Variants in CDH18 observed in about 807,000 individuals in gnomAD.
CDH18 encodes cadherin-18.
A neutral mutation model predicts 67.9 loss-of-function variants in CDH18; 31 were observed. That is an observed-to-expected ratio of 0.46 (90% CI 0.34 to 0.62). The LOEUF (loss-of-function observed/expected upper bound fraction) is 0.62, where lower values mean the gene tolerates loss of function less well. CDH18 is among the 20% of genes least tolerant of loss of function. CDH18 has a pLI of 0.01. For synonymous variants in CDH18, 362 were observed against 347.2 expected (o/e 1.04, Z -0.48); for missense variants, 890 against 975.5 (o/e 0.91, Z 1.17).
chr5:19,503,243 A>C (rs1743558775), intron 10 of CDH18, 134 bp from the exon 11 acceptor site: 1 of 598,286 alleles, frequency 1.7e-6, no homozygotes. Context: ...TTTCAAATTC[A>C]GGTCATAAAA....
chr5:20,002,074 G>A (rs940574422), intron 2 of CDH18, among the ~76,000 whole-genome samples: 2 of 152,084 alleles, frequency 1.3e-5, no homozygotes, highest in Admixed American at 1.3e-4. Flanking sequence ...AGTCATTATT[G>A]ACATTGATGG....
intron 10 of CDH18, among the ~76,000 whole-genome samples, chr5:19,506,856 T>C (rs571652437): frequency 6.6e-6 from 1 of 152,330 alleles, no homozygotes; most frequent in South Asian, 2.1e-4. Flanking sequence ...AAGGACTTCC[T>C]GTCTAAAACA....
intron 3 of CDH18, among the ~76,000 whole-genome samples, chr5:19,762,660 C>G (rs1772523349): frequency 6.6e-6 from 1 of 152,012 alleles, no homozygotes; most frequent in Admixed American, 6.6e-5. Context: ...GGAGTGTAAA[C>G]TAGTTCAACC....
At chr5:20,087,821 G>A (rs1274512619) in intron 2 of CDH18, among the ~76,000 whole-genome samples, 1 of 151,988 alleles carries the variant, frequency 6.6e-6, no homozygotes, top group East Asian at 1.9e-4. Flanking sequence ...TGTTGCAGTG[G>A]TCTGGAACAA....
At chr5:20,401,256 G>A (rs1469133312) in intron 1 of CDH18, among the ~76,000 whole-genome samples, 5 of 152,076 alleles carry the variant, frequency 3.3e-5, no homozygotes, top group South Asian at 4.1e-4. Flanking sequence ...TTAAGTAGTC[G>A]AAATAATGAA....
Position 19,491,752 on chromosome 5 carries a change from T to C in CDH18, c.1631-8200A>G, listed in dbSNP as rs145024404. On this transcript the variant is annotated intron_variant, in intron 11 of 12. Coordinates refer to ENST00000382275, the MANE Select transcript of CDH18 (RefSeq NM_004934.5). Reference sequence around the variant, plus strand: ...CTTTTAAGTGTTTTGTTAAAAATTATAAAGCAACTTATAAATGTTATGATC... The same window carrying C: ...CTTTTAAGTGTTTTGTTAAAAATTACAAAGCAACTTATAAATGTTATGATC... 7.3e-5 allele frequency among the ~76,000 whole-genome samples: 11 copies of C among 151,520 alleles called. No individual in the cohort carries two copies. The East Asian group carries it at 2.1e-3, about 29-fold the overall frequency.
At chr5:19,549,818 AAGGGAGGG>A (rs1218471871) in intron 8 of CDH18, among the ~76,000 whole-genome samples, 1 of 149,592 alleles carries the variant, frequency 6.7e-6, no homozygotes, top group South Asian at 2.2e-4. Flanking sequence ...AAGAAAAAGA[AAGGGAGGG>A]AGGGAGGGAC....
At chr5:20,137,663 C>T (rs545664726) in intron 2 of CDH18, among the ~76,000 whole-genome samples, 52 of 152,190 alleles carry the variant, frequency 3.4e-4, no homozygotes, top group African/African-American at 1.2e-3. Context: ...GGAGAAGAGG[C>T]ACTCTGATTT....
At chr5:19,703,508 G>A (rs538291033) in intron 5 of CDH18, among the ~76,000 whole-genome samples, 1 of 152,200 alleles carries the variant, frequency 6.6e-6, no homozygotes, top group Admixed American at 6.5e-5. Context: ...CTACCCTTCT[G>A]CACCCCCTCA....
intron 1 of CDH18, among the ~76,000 whole-genome samples, chr5:20,445,994 G>A (rs1193779964): frequency 6.6e-6 from 1 of 152,046 alleles, no homozygotes; most frequent in Non-Finnish European, 1.5e-5. Context: ...GTGTCTGAAC[G>A]AAAGGATGAT....
intron 2 of CDH18, among the ~76,000 whole-genome samples, chr5:19,918,769 C>T (rs1163614383): frequency 6.6e-6 from 1 of 152,064 alleles, no homozygotes; most frequent in Non-Finnish European, 1.5e-5. Context: ...CATATTTAGT[C>T]ATCATTCCTG....
chr5:20,382,288 A>G (rs2150102072), intron 1 of CDH18, among the ~76,000 whole-genome samples: 1 of 152,306 alleles, frequency 6.6e-6, no homozygotes, highest in East Asian at 1.9e-4. Flanking sequence ...TTATTTATAT[A>G]AATACTGAGA....
intron 1 of CDH18, among the ~76,000 whole-genome samples, chr5:20,481,735 T>C (rs1752825086): frequency 6.6e-6 from 1 of 151,846 alleles, no homozygotes; most frequent in Non-Finnish European, 1.5e-5. Flanking sequence ...AAGAAGAAAA[T>C]TTTAAAAATT....
chr5:20,569,094 T>C (rs1758668175), intron 1 of CDH18, among the ~76,000 whole-genome samples: 1 of 152,172 alleles, frequency 6.6e-6, no homozygotes, highest in Non-Finnish European at 1.5e-5. Flanking sequence ...CTGCTTTCAA[T>C]GAGTAGGCAG....
chr5:20,574,947 G>A (rs773472314), intron 1 of CDH18, among the ~76,000 whole-genome samples: 3 of 150,818 alleles, frequency 2.0e-5, no homozygotes, highest in Non-Finnish European at 4.4e-5. Context: ...TGTTTGTATT[G>A]AAGAGTTAAA....
At chr5:20,375,283 C>A (rs1440825077) in intron 1 of CDH18, among the ~76,000 whole-genome samples, 1 of 152,108 alleles carries the variant, frequency 6.6e-6, no homozygotes, top group Non-Finnish European at 1.5e-5. Context: ...ACAATGATAC[C>A]TATTATTAAA....
chr5:20,525,453 G>A (rs564896395), intron 1 of CDH18, among the ~76,000 whole-genome samples: 1 of 152,220 alleles, frequency 6.6e-6, no homozygotes, highest in South Asian at 2.1e-4. Flanking sequence ...AGAGGGGGCA[G>A]ATGGCTCCAT....
chr5:20,048,797 T>G (rs533356136), intron 2 of CDH18, among the ~76,000 whole-genome samples: 21 of 151,750 alleles, frequency 1.4e-4, no homozygotes, highest in Admixed American at 4.0e-4. Flanking sequence ...TCTACATAAA[T>G]GGAGACTTTT....
rs902794497 is a variant in CDH18, at chr5:20,146,220, C to A, written c.-518+109224G>T. Among the ~76,000 whole-genome samples, 5 of 152,122 alleles carry A rather than the reference C, an allele frequency of 3.3e-5. No homozygotes were observed. The South Asian group carries it at 1.0e-3, about 32-fold the overall frequency. On this transcript the variant is annotated intron_variant, in intron 2 of 14. Transcript: ENST00000507958. ...TTCCTTAACTAGTAGCCTGTCTTCC[C>A]AACCCAGTTGCTCTCCATCTACTTT...
Sources: gnomAD v4.1 joint callset for allele counts (sites outside exome capture counted in the v4.1 genomes callset) on GRCh38, gnomAD v4.1.1 for gene constraint, MANE v1.5 for transcripts, NCBI Gene and HGNC (gene_info 2026-07-23, HGNC 2026-07-21) for gene names.